Variants in ARPC4 observed in about 807,000 individuals in gnomAD.
The protein encoded by ARPC4 is actin related protein 2/3 complex subunit 4.
In ARPC4, 3 loss-of-function variants were observed where a neutral mutation model predicts 22.8. That is an observed-to-expected ratio of 0.13 (90% CI 0.06 to 0.34). The LOEUF (loss-of-function observed/expected upper bound fraction) is 0.34. Ranked by LOEUF, ARPC4 falls within the 10% of genes least tolerant of loss-of-function variation. The probability of loss-of-function intolerance (pLI) is 1.00; values close to 1 mark genes in which losing one functional copy is unlikely to be tolerated. For missense variants in ARPC4, 98 were observed against 211.0 expected (o/e 0.46, Z 3.32); for synonymous variants, 80 against 72.5 (o/e 1.10, Z -0.52).
Position 9,803,639 on chromosome 3 carries a change from A to G in ARPC4, c.331-204A>G, listed in dbSNP as rs192192316. The G allele has an allele frequency of 1.6e-3, 1,207 of 734,970 alleles. 11 individuals carry two copies. Among genetic ancestry groups the G allele is most frequent in the East Asian group, 9.7e-3 (382 of 39,506 alleles). The allele number at this position is 734,970 out of a possible 1,614,324, so 45.5% of individuals were successfully genotyped here. ...ATGTCTGATACACACAGAATTCTCAACGGGGTTCAGTTGCTTGGATCCAAC... is the reference window on the plus strand; with the variant it reads ...ATGTCTGATACACACAGAATTCTCAGCGGGGTTCAGTTGCTTGGATCCAAC... On this transcript the variant is annotated intron_variant, in intron 4 of 5. Coordinates refer to ENST00000397261, the MANE Select transcript of ARPC4 (RefSeq NM_005718.5).
upstream of ARPC4, chr3:9,792,964 G>C: frequency 7.1e-7 from 1 of 1,418,132 alleles, no homozygotes. Flanking sequence ...CTTCCGGAAG[G>C]CCCAAGCGTT....
At chr3:9,804,206 A>G (rs1204076625) in intron 5 of ARPC4, 193 bp downstream of exon 5, 3 of 546,970 alleles carry the variant, frequency 5.5e-6, no homozygotes, top group Non-Finnish European at 9.4e-6. Flanking sequence ...TGAGAGCTAC[A>G]AGGCATTTTC....
At chr3:9,801,538 G>C in intron 3 of ARPC4, 123 bp from the exon 4 acceptor site, 1 of 902,990 alleles carries the variant, frequency 1.1e-6, no homozygotes, top group Non-Finnish European at 1.6e-6. Flanking sequence ...TGATCCTTCC[G>C]AGTACCAAAC....
chr3:9,803,712 G>A, intron 4 of ARPC4, 131 bp from the exon 5 acceptor site: 2 of 1,074,744 alleles, frequency 1.9e-6, no homozygotes, highest in Non-Finnish European at 1.4e-6. Context: ...GGAAGGGTAT[G>A]TAGCTTGGGA....
intron 1 of ARPC4, among the ~76,000 whole-genome samples, chr3:9,796,833 T>C (rs191263076): frequency 3.0e-4 from 44 of 147,670 alleles, no homozygotes; most frequent in East Asian, 1.2e-3. Flanking sequence ...CCCAGCTACT[T>C]GGGAGGCTGA....
intron 1 of ARPC4, among the ~76,000 whole-genome samples, chr3:9,796,328 C>A (rs35657130): frequency 0.18 from 27,692 of 152,032 alleles, 2,886 homozygotes; most frequent in African/African-American, 0.27. Flanking sequence ...CAGGAGGCGG[C>A]GATTGCCGTG....
At chr3:9,801,132 A>C (rs937453751) in intron 3 of ARPC4, among the ~76,000 whole-genome samples, 1 of 138,204 alleles carries the variant, frequency 7.2e-6, no homozygotes, top group Non-Finnish European at 1.5e-5. Flanking sequence ...AATCGCTTGA[A>C]CCCGGGAGGC....
chr3:9,792,525 G>A (rs1377983092), upstream of ARPC4: 4 of 1,224,194 alleles, frequency 3.3e-6, no homozygotes, highest in East Asian at 1.3e-4. Flanking sequence ...GTCAGCGAGG[G>A]CGAGCCTACT....
intron 3 of ARPC4, 77 bp downstream of exon 3, chr3:9,800,373 C>A: frequency 7.1e-7 from 1 of 1,398,980 alleles, no homozygotes; most frequent in Non-Finnish European, 1.0e-6. Context: ...GGGTCCCCAT[C>A]TGAGAGATCA....
rs2078979938 is a variant in ARPC4 at position 9,800,217 on chromosome 3, C to G, written c.155C>G (p.Thr52Ser). ...SSKELLLQPV[T>S]ISRNEKEKVL... is the part of the protein sequence containing the mutation. The stretch of plus-strand genomic sequence containing the variant: ...AAAGAGCTCCTGTTACAACCTGTGA[C>G]CATCAGCAGGAATGAGAAGGAAAAG... Residue 52 changes from threonine to serine, a missense_variant, in exon 3 of 6, where the codon ACC becomes AGC. Thr to Ser is a moderately conservative substitution (Grantham distance 58, BLOSUM62 1). Transcript: ENST00000397261. 4 of 1,614,054 alleles carry G rather than the reference C, an allele frequency of 2.5e-6. No homozygotes were observed. Among genetic ancestry groups the G allele is most frequent in the Admixed American group, 1.7e-5 (1 of 60,004 alleles).
At chr3:9,804,534 G>A (rs967599313) in intron 5 of ARPC4, among the ~76,000 whole-genome samples, 1 of 152,200 alleles carries the variant, frequency 6.6e-6, no homozygotes, top group African/African-American at 2.4e-5. Context: ...CTAATTGAAA[G>A]CACTTTAGTC....
chr3:9,793,635 T>G (rs2078808183), intron 1 of ARPC4, among the ~76,000 whole-genome samples: 2 of 152,204 alleles, frequency 1.3e-5, no homozygotes, highest in South Asian at 4.1e-4. Context: ...TCGTGTTGCT[T>G]CCATTCAGGC....
At chr3:9,797,965 C>T in intron 2 of ARPC4, 188 bp downstream of exon 2, 2 of 615,938 alleles carry the variant, frequency 3.2e-6, no homozygotes, top group Non-Finnish European at 2.8e-6. Context: ...GTTGGCAGGA[C>T]AGAACCCAGG....
At chr3:9,793,076 C>G, upstream of ARPC4, 1 of 1,545,662 alleles carries the variant, frequency 6.5e-7, no homozygotes, top group East Asian at 2.5e-5. Context: ...CATCGCGGGG[C>G]TGGCCACTTC....
chr3:9,803,920 C>A lies in ARPC4; in HGVS notation c.408C>A (p.Ile136=). 3 of 1,614,190 alleles carry A rather than the reference C, an allele frequency of 1.9e-6. No individual in the cohort carries two copies. Among genetic ancestry groups the A allele is most frequent in the Non-Finnish European group, 2.5e-6 (3 of 1,180,044 alleles). The change falls in exon 5 of 6, where the codon ATC becomes ATA. Residue 136 remains isoleucine, a synonymous_variant. Coordinates refer to ENST00000397261, the MANE Select transcript of ARPC4 (RefSeq NM_005718.5). ...AACACAAGTTGGTGGACTTTGTGAT[C>A]CACTTCATGGAGGAGATTGACAAGG... The part of the protein sequence containing the change: ...MYKHKLVDFV[I]HFMEEIDKEI...
intron 1 of ARPC4, among the ~76,000 whole-genome samples, chr3:9,795,619 G>A (rs2078866635): frequency 6.6e-6 from 1 of 152,112 alleles, no homozygotes; most frequent in South Asian, 2.1e-4. Context: ...TGGAACTCTT[G>A]CTGTCCTTTT....
intron 4 of ARPC4, among the ~76,000 whole-genome samples, chr3:9,802,429 G>A (rs1575332369): frequency 6.7e-6 from 1 of 149,596 alleles, no homozygotes; most frequent in Admixed American, 6.7e-5. Context: ...AGGCTGGAGT[G>A]CAGTGGCACA....
At chr3:9,796,397 A>G (rs2078887249) in intron 1 of ARPC4, among the ~76,000 whole-genome samples, 1 of 152,220 alleles carries the variant, frequency 6.6e-6, no homozygotes, top group African/African-American at 2.4e-5. Context: ...TCCCTCTCAA[A>G]AATAAATATT....
chr3:9,795,958 C>T (rs1187901888), intron 1 of ARPC4, among the ~76,000 whole-genome samples: 2 of 152,046 alleles, frequency 1.3e-5, no homozygotes, highest in African/African-American at 2.4e-5. Context: ...TAACCAGGCA[C>T]GGTGGTGCAC....
Sources: gnomAD v4.1 joint callset for allele counts (sites outside exome capture counted in the v4.1 genomes callset) on GRCh38, gnomAD v4.1.1 for gene constraint, MANE v1.5 for transcripts, NCBI Gene and HGNC (gene_info 2026-07-23, HGNC 2026-07-21) for gene names.